SPAG6: variants seen among roughly 807,000 people sequenced by gnomAD.
SPAG6 encodes sperm-associated antigen 6.
In SPAG6, 49 loss-of-function variants were observed where a neutral mutation model predicts 58.5. The observed-to-expected ratio is 0.84, with a 90% CI of 0.67 to 1.06. SPAG6 has a LOEUF of 1.06. Ranked by LOEUF, SPAG6 falls within the 50% of genes least tolerant of loss-of-function variation. The probability of loss-of-function intolerance (pLI) is 0.00; values close to 1 mark genes in which losing one functional copy is unlikely to be tolerated. For missense variants in SPAG6, 560 were observed against 611.3 expected (o/e 0.92, Z 0.89); for synonymous variants, 233 against 225.6 (o/e 1.03, Z -0.29).
At chr10:22,416,335 A>T (rs917184598) in intron 10 of SPAG6, among the ~76,000 whole-genome samples, 52 of 152,256 alleles carry the variant, frequency 3.4e-4, no homozygotes, top group African/African-American at 1.2e-3. Flanking sequence ...GTAATAAAAT[A>T]TTGTCAGTGG....
intron 5 of SPAG6, 80 bp downstream of exon 5, chr10:22,387,039 G>A: frequency 9.3e-7 from 1 of 1,079,580 alleles, no homozygotes; most frequent in Admixed American, 1.9e-5. Context: ...TGAATATTTT[G>A]CATCTAAAAA....
chr10:22,345,796 C>T lies in SPAG6; in HGVS notation c.99C>T (p.Asn33=), dbSNP rs757368703. Reference sequence around the variant, plus strand: ...CGGAGCTGGCGACTAGACCCCAAAACATCGAGACGCTGCAGAACGCGGGTG... The same window carrying T: ...CGGAGCTGGCGACTAGACCCCAAAATATCGAGACGCTGCAGAACGCGGGTG... ...MVAELATRPQ[N]IETLQNAGVM... Residue 33 remains asparagine, a synonymous_variant, in exon 2 of 11, where the codon AAC becomes AAT. Coordinates refer to ENST00000376624, the MANE Select transcript of SPAG6 (RefSeq NM_012443.4). The surrounding 1 kb of genome is among the most constrained non-coding windows in gnomAD (Gnocchi z 6.3). The T allele has an allele frequency of 9.3e-6, 15 of 1,613,666 alleles. No individual in the cohort carries two copies. In the South Asian group the frequency reaches 1.5e-4, roughly 17 times the overall value.
chr10:22,362,414 T>G (rs1021654850), intron 2 of SPAG6, among the ~76,000 whole-genome samples: 5 of 152,022 alleles, frequency 3.3e-5, no homozygotes, highest in Admixed American at 3.3e-4. Flanking sequence ...CATTGACTTA[T>G]TTTAATTAAA....
intron 10 of SPAG6, chr10:22,413,160 T>G (rs1239686044): frequency 3.7e-5 from 4 of 107,984 alleles, no homozygotes; most frequent in African/African-American, 2.9e-4. Flanking sequence ...TGAAGAGAAG[T>G]TTTTTTTTTT....
chr10:22,345,587 G>A lies in SPAG6; in HGVS notation c.-25G>A, dbSNP rs2132019226. 2 of 1,525,840 alleles carry A rather than the reference G, an allele frequency of 1.3e-6. No individual in the cohort carries two copies. Among genetic ancestry groups the A allele is most frequent in the East Asian group, 5.0e-5 (2 of 40,216 alleles). 94.5% of individuals were successfully genotyped at this position (1,525,840 alleles called of 1,614,324 possible). A position where few individuals can be genotyped will look rare whatever the true frequency, so the allele number is the denominator to read the frequency against. Reference sequence around the variant, plus strand: ...GAGCGGCTTCCCCGCAGAGCTCGAGGAGGGCAGACGGCGGCGGGGGCGCCA... The same window carrying A: ...GAGCGGCTTCCCCGCAGAGCTCGAGAAGGGCAGACGGCGGCGGGGGCGCCA... On this transcript the variant is annotated 5_prime_UTR_variant, in exon 1 of 11. Coordinates refer to ENST00000376624, the MANE Select transcript of SPAG6 (RefSeq NM_012443.4). The surrounding 1 kb of genome is among the most constrained non-coding windows in gnomAD (Gnocchi z 6.3).
chr10:22,368,847 C>T (rs1254546989), intron 4 of SPAG6, among the ~76,000 whole-genome samples, 169 bp downstream of exon 4: 2 of 148,680 alleles, frequency 1.3e-5, no homozygotes, highest in Non-Finnish European at 3.0e-5. Flanking sequence ...ATCATATATT[C>T]ACAAAAAAAA....
At chr10:22,411,330 C>A in intron 10 of SPAG6, 154 bp downstream of exon 10, 1 of 552,450 alleles carries the variant, frequency 1.8e-6, no homozygotes, top group Non-Finnish European at 3.1e-6. Flanking sequence ...CTTCCCCCTG[C>A]CAAATTAATT....
chr10:22,403,480 C>A (rs1427688748), intron 9 of SPAG6, among the ~76,000 whole-genome samples: 3 of 152,182 alleles, frequency 2.0e-5, no homozygotes, highest in Non-Finnish European at 2.9e-5. Context: ...TTTTTTATGG[C>A]TTCATACTAT....
intron 2 of SPAG6, among the ~76,000 whole-genome samples, chr10:22,358,991 G>T (rs1836953901): frequency 6.6e-6 from 1 of 152,178 alleles, no homozygotes; most frequent in South Asian, 2.1e-4. Flanking sequence ...AGGTCCCTCA[G>T]CTAGGAAGTG....
chr10:22,360,939 T>G lies in SPAG6; in HGVS notation c.122-3914T>G, dbSNP rs766505779. On this transcript the variant is annotated intron_variant, in intron 2 of 10. Coordinates refer to ENST00000376624, the MANE Select transcript of SPAG6 (RefSeq NM_012443.4). ...TTGTCACCATTTTTATGCAGTTTCC[T>G]TGCATATTTATCTGTAGTTTTAAGA... 1.4e-5 allele frequency: 11 copies of G among 802,992 alleles called. 1 individual carries two copies. The highest frequency in any genetic ancestry group is 9.0e-5 in the South Asian group (6 of 66,806). 49.7% of individuals were successfully genotyped at this position (802,992 alleles called of 1,614,324 possible). A position where few individuals can be genotyped will look rare whatever the true frequency, so the allele number is the denominator to read the frequency against.
At chr10:22,371,601 AT>A (rs1833696448) in intron 4 of SPAG6, among the ~76,000 whole-genome samples, 1 of 152,134 alleles carries the variant, frequency 6.6e-6, no homozygotes. Context: ...TTTCTTAATG[AT>A]TTCCTAAAAG....
intron 9 of SPAG6, 136 bp from the exon 10 acceptor site, chr10:22,410,895 G>T (rs1255422381): frequency 2.6e-6 from 2 of 779,400 alleles, no homozygotes; most frequent in Non-Finnish European, 1.9e-6. Flanking sequence ...ATTAGCAGCA[G>T]ATTTGGCTCA....
rs1010417755 is a variant in SPAG6, at chr10:22,346,036, A to G, written c.121+218A>G. On this transcript the variant is annotated intron_variant, in intron 2 of 10. Transcript: ENST00000376624. The stretch of plus-strand genomic sequence containing the variant: ...GCGCGTTGTCCCTGTTTCCATCTTC[A>G]TTGCACACAGGCAAGTGTCAGGTTG... 3 of 1,540,812 alleles carry G rather than the reference A, an allele frequency of 1.9e-6. No homozygotes were observed. The African/African-American group carries it at 4.1e-5, about 21-fold the overall frequency.
intron 8 of SPAG6, among the ~76,000 whole-genome samples, chr10:22,400,480 C>A (rs1834383552): frequency 6.6e-6 from 1 of 151,960 alleles, no homozygotes; most frequent in South Asian, 2.1e-4. Flanking sequence ...TCAGCACCAC[C>A]TGATGTCACC....
At chr10:22,394,004 C>G (rs527978573) in intron 8 of SPAG6, among the ~76,000 whole-genome samples, 1 of 152,118 alleles carries the variant, frequency 6.6e-6, no homozygotes. Flanking sequence ...TGCAGGAGAA[C>G]GAATGAGCAA....
At chr10:22,396,713 A>C (rs1834301654) in intron 8 of SPAG6, among the ~76,000 whole-genome samples, 1 of 151,730 alleles carries the variant, frequency 6.6e-6, no homozygotes, top group Non-Finnish European at 1.5e-5. Context: ...GAGGTAAAAA[A>C]AATAGTGTTG....
chr10:22,410,922 T>C, intron 9 of SPAG6, 109 bp from the exon 10 acceptor site: 1 of 1,103,846 alleles, frequency 9.1e-7, no homozygotes, highest in Non-Finnish European at 1.3e-6. Flanking sequence ...TATAGGTATA[T>C]TGGGTATAAA....
At chr10:22,383,244 G>C (rs1035756181) in intron 4 of SPAG6, among the ~76,000 whole-genome samples, 2 of 152,148 alleles carry the variant, frequency 1.3e-5, no homozygotes, top group African/African-American at 4.8e-5. Flanking sequence ...TTCCATGTTT[G>C]AGTTTAAAAT....
At chr10:22,346,453 T>C (rs551127318) in intron 2 of SPAG6, among the ~76,000 whole-genome samples, 73 of 138,958 alleles carry the variant, frequency 5.3e-4, no homozygotes, top group Admixed American at 9.7e-4. Context: ...TTCTTCTTCT[T>C]CTTCTTCTTC....
Sources: allele counts gnomAD v4.1 joint callset (sites outside exome capture counted in the v4.1 genomes callset), GRCh38; gene constraint gnomAD v4.1.1; non-coding constraint Gnocchi (gnomAD v3.1); transcripts MANE v1.5; gene names NCBI Gene and HGNC (gene_info 2026-07-23, HGNC 2026-07-21).